Variants in CADPS2 observed in about 807,000 individuals in gnomAD.
CADPS2 encodes calcium dependent secretion activator 2.
Under a neutral mutation model 172.5 loss-of-function variants are expected in CADPS2, and 93 were observed. The observed-to-expected ratio is 0.54, with a 90% confidence interval of 0.46 to 0.64. The LOEUF (loss-of-function observed/expected upper bound fraction) is 0.64, where lower values mean the gene tolerates loss of function less well. CADPS2 is among the 30% of genes least tolerant of loss of function. The probability of loss-of-function intolerance (pLI) is 0.00; values close to 1 mark genes in which losing one functional copy is unlikely to be tolerated. For missense variants in CADPS2, 1,420 were observed against 1,565.9 expected (o/e 0.91, Z 1.57); for synonymous variants, 546 against 555.2 (o/e 0.98, Z 0.23).
At chr7:122,739,517 G>C (rs1485417596) in intron 1 of CADPS2, among the ~76,000 whole-genome samples, 3 of 152,034 alleles carry the variant, frequency 2.0e-5, no homozygotes, top group Admixed American at 2.0e-4. Flanking sequence ...AGGAGGTTTG[G>C]GCAAATCATC....
At chr7:122,453,332 G>A (rs935388675) in intron 14 of CADPS2, among the ~76,000 whole-genome samples, 3 of 152,136 alleles carry the variant, frequency 2.0e-5, no homozygotes, top group African/African-American at 7.2e-5. Context: ...ATTTAATAAT[G>A]GATTTTTCAC....
At chr7:122,780,442 G>T (rs1489267937) in intron 1 of CADPS2, among the ~76,000 whole-genome samples, 1 of 152,036 alleles carries the variant, frequency 6.6e-6, no homozygotes, top group African/African-American at 2.4e-5. Flanking sequence ...TTTTAAAAAG[G>T]TGGGAAATTA....
intron 1 of CADPS2, among the ~76,000 whole-genome samples, chr7:122,769,334 C>T (rs907849613): frequency 1.3e-5 from 2 of 152,272 alleles, no homozygotes; most frequent in South Asian, 2.1e-4. Flanking sequence ...TAGAGCTTTC[C>T]GTATCTTGGG....
chr7:122,553,207 A>G (rs995861278), intron 8 of CADPS2, among the ~76,000 whole-genome samples: 1 of 152,158 alleles, frequency 6.6e-6, no homozygotes, highest in Non-Finnish European at 1.5e-5. Flanking sequence ...TTTGCATACA[A>G]GTCTGAATTC....
chr7:122,389,796 A>T (rs1344491097), intron 22 of CADPS2, among the ~76,000 whole-genome samples: 1 of 152,132 alleles, frequency 6.6e-6, no homozygotes, highest in African/African-American at 2.4e-5. Context: ...TTACAAAAGA[A>T]AATTAAAGAA....
chr7:122,688,293 C>G (rs1219789219), intron 2 of CADPS2, among the ~76,000 whole-genome samples: 1 of 152,190 alleles, frequency 6.6e-6, no homozygotes, highest in Non-Finnish European at 1.5e-5. Context: ...CAAGTGAAAT[C>G]AAAGAACATA....
intron 6 of CADPS2, among the ~76,000 whole-genome samples, chr7:122,589,320 T>G (rs965946029): frequency 6.6e-6 from 1 of 151,826 alleles, no homozygotes; most frequent in Admixed American, 6.6e-5. Context: ...ACAAAAAGCC[T>G]GATTATCAAT....
chr7:122,805,033 T>C (rs972476525), intron 1 of CADPS2, among the ~76,000 whole-genome samples: 6 of 152,238 alleles, frequency 3.9e-5, no homozygotes, highest in African/African-American at 1.4e-4. Context: ...ATTGTGTATG[T>C]ATCTTGTGTT....
intron 14 of CADPS2, among the ~76,000 whole-genome samples, chr7:122,463,771 T>C (rs1275940162): frequency 1.3e-5 from 2 of 152,172 alleles, no homozygotes; most frequent in African/African-American, 4.8e-5. Context: ...TACTATAGCC[T>C]AGTTGGTGAA....
At chr7:122,630,199 C>T (rs773794031) in intron 3 of CADPS2, among the ~76,000 whole-genome samples, 6 of 152,044 alleles carry the variant, frequency 3.9e-5, no homozygotes, top group Non-Finnish European at 8.8e-5. Flanking sequence ...TCTAAAGATT[C>T]GATTGAGTAT....
chr7:122,590,281 A>C (rs993587962), intron 6 of CADPS2, among the ~76,000 whole-genome samples: 5 of 151,960 alleles, frequency 3.3e-5, no homozygotes, highest in African/African-American at 1.2e-4. Flanking sequence ...AGATATACAA[A>C]CCAATGGACT....
At chr7:122,503,494 A>G (rs1387792960) in intron 9 of CADPS2, among the ~76,000 whole-genome samples, 1 of 152,198 alleles carries the variant, frequency 6.6e-6, no homozygotes, top group East Asian at 1.9e-4. Flanking sequence ...GCACAGTTGT[A>G]TAAAATTATT....
In CADPS2 at chr7:122,886,179, C is replaced by T. The variant is rs2141870048; in HGVS notation, c.159G>A (p.Ala53=). 1 of 1,478,708 alleles carries T rather than the reference C, an allele frequency of 6.8e-7. No homozygotes were observed. Among genetic ancestry groups the T allele is most frequent in the East Asian group, 2.8e-5 (1 of 36,052 alleles). The allele number at this position is 1,478,708 out of a possible 1,614,324, so 91.6% of individuals were successfully genotyped here. A position where few individuals can be genotyped will look rare whatever the true frequency, so the allele number is the denominator to read the frequency against. ...DAPGRAGGGG[A]ARSVSPSPSV... ...AGGGGCTCGGGCTCACAGATCTGGCCGCGCCGCCGCCGCCCGCGCGCCCCG... is the reference window on the plus strand; with the variant it reads ...AGGGGCTCGGGCTCACAGATCTGGCTGCGCCGCCGCCGCCCGCGCGCCCCG... The change falls in exon 1 of 30, where the codon GCG becomes GCA. Residue 53 remains alanine, a synonymous_variant. Transcript: ENST00000449022.
chr7:122,503,281 G>A (rs966337903), intron 9 of CADPS2, among the ~76,000 whole-genome samples: 4 of 152,032 alleles, frequency 2.6e-5, no homozygotes, highest in African/African-American at 7.2e-5. Flanking sequence ...TGATCTGCTC[G>A]CCTCGGCCTC....
At chr7:122,330,924 G>A (rs1165990628) in intron 28 of CADPS2, 1 of 152,092 alleles carries the variant, frequency 6.6e-6, no homozygotes, top group Non-Finnish European at 1.5e-5. Flanking sequence ...TAATATGTGG[G>A]GTAGATTATA....
At chr7:122,647,756 T>G (rs1449904666) in intron 3 of CADPS2, among the ~76,000 whole-genome samples, 3 of 152,158 alleles carry the variant, frequency 2.0e-5, no homozygotes, top group Admixed American at 6.5e-5. Flanking sequence ...TAAAAAAAGC[T>G]TTATATGAAA....
intron 8 of CADPS2, among the ~76,000 whole-genome samples, chr7:122,523,536 AAT>A (rs1198690311): frequency 6.6e-6 from 1 of 152,116 alleles, no homozygotes; most frequent in African/African-American, 2.4e-5. Context: ...CGACTGTATA[AAT>A]ATGTTAGGTC....
chr7:122,480,933 A>T (rs2057215226), intron 11 of CADPS2, 73 bp from the exon 12 acceptor site: 9 of 1,119,884 alleles, frequency 8.0e-6, no homozygotes, highest in Non-Finnish European at 1.1e-5. Context: ...ATACAACTAG[A>T]CATTTAATTT....
At chr7:122,517,899 A>C (rs2060495437) in intron 8 of CADPS2, among the ~76,000 whole-genome samples, 1 of 152,002 alleles carries the variant, frequency 6.6e-6, no homozygotes, top group African/African-American at 2.4e-5. Flanking sequence ...AAACATCTAC[A>C]AAACTAAAAA....
Sources: allele counts gnomAD v4.1 joint callset (sites outside exome capture counted in the v4.1 genomes callset), GRCh38; gene constraint gnomAD v4.1.1; transcripts MANE v1.5; gene names NCBI Gene and HGNC (gene_info 2026-07-23, HGNC 2026-07-21).